Variants in OTOGL observed in about 807,000 individuals in gnomAD.
OTOGL encodes otogelin like, also known as otogelin-like protein.
In OTOGL, 285 loss-of-function variants were observed where a neutral mutation model predicts 318.5. The ratio of observed to expected loss-of-function variants is 0.89; its 90% CI spans 0.81 to 0.99. OTOGL has a LOEUF of 0.99. Ranked by LOEUF, OTOGL falls within the 50% of genes least tolerant of loss-of-function variation. The pLI, the probability that OTOGL is intolerant of heterozygous loss-of-function variation, is 0.00. For missense variants in OTOGL, 2,899 were observed against 2,845.6 expected (o/e 1.02, Z -0.43); for synonymous variants, 987 against 936.5 (o/e 1.05, Z -0.99).
chr12:80,175,213 GTTTAA>G (rs1874453354), intron 1 of OTOGL, among the ~76,000 whole-genome samples: 1 of 152,086 alleles, frequency 6.6e-6, no homozygotes, highest in Non-Finnish European at 1.5e-5. Context: ...ATAATGTAGT[GTTTAA>G]TTTAGTATCT....
chr12:80,352,710 G>A (rs1889628470), intron 45 of OTOGL, among the ~76,000 whole-genome samples: 1 of 152,122 alleles, frequency 6.6e-6, no homozygotes, highest in Non-Finnish European at 1.5e-5. Context: ...TCGGGAATGT[G>A]TGTCATCTCC....
At chr12:80,330,456 AC>A (rs768729685) in intron 37 of OTOGL, among the ~76,000 whole-genome samples, 4 of 152,222 alleles carry the variant, frequency 2.6e-5, no homozygotes, top group Non-Finnish European at 5.9e-5. Context: ...TACTTCGCCT[AC>A]ATCATTCAAT....
At chr12:80,323,147 C>CACAT (rs1387047504) in intron 34 of OTOGL, among the ~76,000 whole-genome samples, 2 of 34,326 alleles carry the variant, frequency 5.8e-5, no homozygotes, top group Admixed American at 3.0e-4. Context: ...CACACACACA[C>CACAT]ATATATAAAA....
At chr12:80,247,222 C>T (rs1856642923) in intron 11 of OTOGL, among the ~76,000 whole-genome samples, 1 of 148,842 alleles carries the variant, frequency 6.7e-6, no homozygotes, top group Non-Finnish European at 1.5e-5. Context: ...AATGTGTTTG[C>T]TCTTGCTTTT....
intron 1 of OTOGL, among the ~76,000 whole-genome samples, chr12:80,199,906 A>C (rs986373009): frequency 5.3e-5 from 8 of 152,260 alleles, no homozygotes; most frequent in East Asian, 3.9e-4. Flanking sequence ...AGTCCATACA[A>C]ATTAGTTGAA....
At chr12:80,324,347 A>T (rs1887546089) in intron 35 of OTOGL, among the ~76,000 whole-genome samples, 2 of 152,204 alleles carry the variant, frequency 1.3e-5, no homozygotes, top group Admixed American at 6.5e-5. Context: ...ATTTGAGAAC[A>T]GTGCAAAGGT....
intron 28 of OTOGL, among the ~76,000 whole-genome samples, chr12:80,304,881 C>T (rs1365770052): frequency 6.6e-6 from 1 of 152,104 alleles, no homozygotes; most frequent in Non-Finnish European, 1.5e-5. Flanking sequence ...GGAATCTATC[C>T]CTTAATGGAG....
At chr12:80,153,749 T>G (rs906807193) in intron 1 of OTOGL, among the ~76,000 whole-genome samples, 2 of 152,206 alleles carry the variant, frequency 1.3e-5, no homozygotes, top group Non-Finnish European at 2.9e-5. Context: ...ACCACAGATA[T>G]TTTTTATTGT....
At position 80,217,613 on chromosome 12, in the gene OTOGL, C is replaced by A. The variant is rs1172606610; in HGVS notation, c.184C>A (p.Pro62Thr). 1 of 1,547,826 alleles carries A rather than the reference C, an allele frequency of 6.5e-7. No individual in the cohort carries two copies. Among genetic ancestry groups the A allele is most frequent in the Non-Finnish European group, 8.7e-7 (1 of 1,143,484 alleles). The part of the protein sequence containing the change: ...LLAAQFEATS[P>T]RYFFHDAINW... ...TCTTTCAAAGTTTGAAGCTACTTCT[C>A]CGAGATACTTTTTCCATGATGCTAT... Residue 62 changes from proline (P) to threonine (T), a missense_variant, in exon 5 of 59, where the codon CCG becomes ACG. Coordinates refer to ENST00000547103, the MANE Select transcript of OTOGL (RefSeq NM_001378609.3).
intron 20 of OTOGL, 98 bp downstream of exon 20, chr12:80,265,308 TGCA>T: frequency 8.7e-7 from 1 of 1,152,830 alleles, no homozygotes; most frequent in Non-Finnish European, 1.2e-6. Context: ...ATGTCAATAT[TGCA>T]TGTAAGTTAT....
intron 10 of OTOGL, 30 bp from the exon 11 acceptor site, chr12:80,239,303 G>C (rs1880156102): frequency 4.1e-6 from 6 of 1,474,602 alleles, no homozygotes; most frequent in Non-Finnish European, 5.6e-6. Flanking sequence ...ATGAAACATA[G>C]TCTAGTGACT....
At chr12:80,157,812 G>A (rs1873227043) in intron 1 of OTOGL, among the ~76,000 whole-genome samples, 1 of 151,736 alleles carries the variant, frequency 6.6e-6, no homozygotes, top group African/African-American at 2.4e-5. Flanking sequence ...GGGTGACAGT[G>A]GTTTCTTGCT....
At chr12:80,227,576 T>C (rs1463065751) in intron 7 of OTOGL, among the ~76,000 whole-genome samples, 1 of 152,170 alleles carries the variant, frequency 6.6e-6, no homozygotes, top group Non-Finnish European at 1.5e-5. Flanking sequence ...TGAGCAAGGA[T>C]CTGCTTGTTT....
At chr12:80,111,701 T>C (rs932662676) in intron 1 of OTOGL, among the ~76,000 whole-genome samples, 1 of 152,232 alleles carries the variant, frequency 6.6e-6, no homozygotes, top group African/African-American at 2.4e-5. Context: ...AGCTTTGTTC[T>C]TTTTGCTTAG....
At chr12:80,366,746 C>A in intron 53 of OTOGL, 109 bp downstream of exon 53, 1 of 305,640 alleles carries the variant, frequency 3.3e-6, no homozygotes, top group South Asian at 1.2e-4. Flanking sequence ...ACATTTTAAG[C>A]CATTTGCCAG....
rs571781737 is a variant in OTOGL at position 80,149,919 on chromosome 12, C to T, written c.-20+50314C>T. ...GCCTCACCCTGCTTCGGCTCATGCA[C>T]GGTGCGCGCACCCACTGACCTGCGC... On this transcript the variant is annotated intron_variant, in intron 1 of 58. Coordinates refer to ENST00000547103, the MANE Select transcript of OTOGL (RefSeq NM_001378609.3). Among the ~76,000 whole-genome samples the T allele has an allele frequency of 7.9e-5, 12 of 152,304 alleles. No individual in the cohort carries two copies. In the South Asian group the frequency reaches 8.3e-4, roughly 11 times the overall value.
At chr12:80,200,902 C>T (rs1876406593) in intron 1 of OTOGL, among the ~76,000 whole-genome samples, 1 of 152,134 alleles carries the variant, frequency 6.6e-6, no homozygotes, top group Non-Finnish European at 1.5e-5. Context: ...GAATGATCTA[C>T]ATCACAGAGA....
At chr12:80,284,950 C>T (rs201328590) in intron 26 of OTOGL, among the ~76,000 whole-genome samples, 1 of 151,430 alleles carries the variant, frequency 6.6e-6, no homozygotes. Flanking sequence ...GAAGGCTTTG[C>T]TCATGCCCAT....
intron 1 of OTOGL, among the ~76,000 whole-genome samples, chr12:80,153,257 A>G (rs1872902139): frequency 6.6e-6 from 1 of 152,130 alleles, no homozygotes; most frequent in African/African-American, 2.4e-5. Context: ...ATAGACAGCC[A>G]TCTTTTCATT....
Sources: allele counts gnomAD v4.1 joint callset (sites outside exome capture counted in the v4.1 genomes callset), GRCh38; gene constraint gnomAD v4.1.1; transcripts MANE v1.5; gene names NCBI Gene and HGNC (gene_info 2026-07-23, HGNC 2026-07-21).